The following ICAM2 variants were observed in gnomAD, a reference collection of about 807,000 sequenced individuals.
ICAM2 encodes intercellular adhesion molecule 2, also known as ICAM-2.
In ICAM2, 14 loss-of-function variants were observed where a neutral mutation model predicts 19.1. That is an observed-to-expected ratio of 0.73 (90% confidence interval 0.48 to 1.15). ICAM2 has a LOEUF of 1.15. Among genes scored for constraint, ICAM2 ranks in the 50% most tolerant of loss-of-function variants. ICAM2 has a pLI of 0.00. For missense variants in ICAM2, 311 were observed against 355.4 expected (o/e 0.88, Z 1.00); for synonymous variants, 153 against 152.7 (o/e 1.00, Z -0.01).
intron 1 of ICAM2, among the ~76,000 whole-genome samples, chr17:64,018,333 CAAAAAA>C (rs376250303): frequency 3.8e-5 from 2 of 52,736 alleles, no homozygotes; most frequent in African/African-American, 9.6e-5. Context: ...GACTCTATCT[CAAAAAA>C]AAAAAAAAAA....
intron 1 of ICAM2, 36 bp from the exon 2 acceptor site, chr17:64,006,771 GC>G: frequency 7.8e-7 from 1 of 1,288,396 alleles, no homozygotes; most frequent in Non-Finnish European, 1.1e-6. Context: ...CTGAGCTATG[GC>G]CCAGAATCCC....
At chr17:64,015,570 T>C (rs890373055) in intron 1 of ICAM2, among the ~76,000 whole-genome samples, 1 of 151,886 alleles carries the variant, frequency 6.6e-6, no homozygotes, top group Non-Finnish European at 1.5e-5. Flanking sequence ...CAAAACCCCA[T>C]CTCTACAAAA....
intron 1 of ICAM2, among the ~76,000 whole-genome samples, chr17:64,009,893 G>A (rs183520152): frequency 5.1e-4 from 77 of 152,246 alleles, no homozygotes; most frequent in African/African-American, 1.7e-3. Flanking sequence ...TGGTCTGAAG[G>A]ACCCCACTGA....
rs766564053 is a variant in ICAM2, at chr17:64,005,167, G to A, written c.268C>T (p.Gln90Ter). 6.2e-7 allele frequency: 1 copy of A among 1,614,034 alleles called. No individual in the cohort carries two copies. Among genetic ancestry groups the A allele is most frequent in the Admixed American group, 1.7e-5 (1 of 59,998 alleles). ...VSNISHDTVL[Q>*]CHFTCSGKQE... ...TTCCCGGAGCAGGTGAAGTGGCATTGGAGGACCGTGTCATGGGAGATGTTT... is the reference window on the plus strand; with the variant it reads ...TTCCCGGAGCAGGTGAAGTGGCATTAGAGGACCGTGTCATGGGAGATGTTT... Residue 90 changes from glutamine to a stop codon, truncating the protein, a stop_gained, in exon 3 of 5, where the codon CAA becomes TAA. Coordinates refer to ENST00000579788, the MANE Select transcript of ICAM2 (RefSeq NM_001099789.2). LOFTEE classifies it high-confidence loss of function.
chr17:64,019,407 A>AAATG (rs1256185277), intron 1 of ICAM2, among the ~76,000 whole-genome samples: 1 of 151,290 alleles, frequency 6.6e-6, no homozygotes, highest in Non-Finnish European at 1.5e-5. Context: ...GTAAATAAAT[A>AAATG]AATAAATAAA....
intron 1 of ICAM2, among the ~76,000 whole-genome samples, chr17:64,017,539 G>T (rs183130604): frequency 8.1e-4 from 123 of 151,988 alleles, no homozygotes; most frequent in Non-Finnish European, 1.6e-3. Flanking sequence ...TGATCTATAG[G>T]GTCAGTGCAA....
intron 2 of ICAM2, 159 bp downstream of exon 2, chr17:64,006,472 G>T: frequency 1.6e-6 from 1 of 638,000 alleles, no homozygotes; most frequent in Admixed American, 2.8e-5. Context: ...ACTCCAGCCT[G>T]GGTGATAGAC....
At chr17:64,004,870 T>C (rs1911095654) in intron 3 of ICAM2, 1 of 592,584 alleles carries the variant, frequency 1.7e-6, no homozygotes, top group East Asian at 2.8e-5. Flanking sequence ...GTTGGTTAGA[T>C]TGTCCTCCCC....
At chr17:64,006,507 A>C (rs1911215374) in intron 2 of ICAM2, 124 bp downstream of exon 2, 2 of 783,118 alleles carry the variant, frequency 2.6e-6, no homozygotes, top group Admixed American at 2.6e-5. Context: ...AAAACAAAAC[A>C]AAAAAACCTA....
intron 3 of ICAM2, 68 bp downstream of exon 3, chr17:64,005,039 C>G (rs1911108823): frequency 1.3e-6 from 2 of 1,565,262 alleles, no homozygotes; most frequent in Non-Finnish European, 1.8e-6. Flanking sequence ...CAGAGGGGCT[C>G]TGTGTGCATT....
intron 1 of ICAM2, among the ~76,000 whole-genome samples, chr17:64,014,965 T>C (rs1911664678): frequency 6.6e-6 from 1 of 151,998 alleles, no homozygotes; most frequent in Non-Finnish European, 1.5e-5. Context: ...CTCAATAGGA[T>C]AGGCAAGTCT....
intron 1 of ICAM2, among the ~76,000 whole-genome samples, chr17:64,017,090 G>C (rs1911744526): frequency 1.3e-5 from 2 of 152,098 alleles, no homozygotes; most frequent in South Asian, 4.1e-4. Context: ...TATGATTTCT[G>C]CCTCTGTTTA....
intron 1 of ICAM2, among the ~76,000 whole-genome samples, chr17:64,010,615 TAAAC>T (rs1911413155): frequency 6.6e-6 from 1 of 150,424 alleles, no homozygotes; most frequent in Non-Finnish European, 1.5e-5. Context: ...CAAAAACAGA[TAAAC>T]AAAAAGTTTA....
At chr17:64,004,086 C>T (rs1020953595) in intron 3 of ICAM2, 122 bp from the exon 4 acceptor site, 126 of 717,716 alleles carry the variant, frequency 1.8e-4, no homozygotes, top group African/African-American at 1.7e-3. Context: ...GTGGCCTGGC[C>T]GGCTCCAGTG....
chr17:64,020,429 A>T (rs547579831), intron 1 of ICAM2, 94 bp downstream of exon 1: 1 of 152,474 alleles, frequency 6.6e-6, no homozygotes, highest in South Asian at 2.1e-4. Flanking sequence ...AGACCCAGAG[A>T]GGGGAACGGA....
intron 1 of ICAM2, among the ~76,000 whole-genome samples, chr17:64,014,714 GAAGGAAGGAAGAAAGA>G (rs1187674766): frequency 6.7e-3 from 117 of 17,548 alleles, no homozygotes; most frequent in South Asian, 0.018. Context: ...AGGAAGGAAG[GAAGGAAGGAAGAAAGA>G]AAGAAAGAAA....
chr17:64,011,377 G>T (rs1377267382), intron 1 of ICAM2, among the ~76,000 whole-genome samples: 1 of 151,906 alleles, frequency 6.6e-6, no homozygotes, highest in African/African-American at 2.4e-5. Context: ...CAGGAGAATT[G>T]CTTGAACCTG....
chr17:64,006,982 C>T (rs774563686), intron 1 of ICAM2: 69 of 466,594 alleles, frequency 1.5e-4, no homozygotes, highest in Non-Finnish European at 2.3e-4. Flanking sequence ...AATGGGTGCA[C>T]GCATGCGTGT....
At chr17:64,006,848 G>A (rs1911237193) in intron 1 of ICAM2, 113 bp from the exon 2 acceptor site, 1 of 663,320 alleles carries the variant, frequency 1.5e-6, no homozygotes, top group Non-Finnish European at 2.6e-6. Flanking sequence ...GAAGCCACGT[G>A]CACCAGCTCG....
Sources: gnomAD v4.1 joint callset for allele counts (sites outside exome capture counted in the v4.1 genomes callset) on GRCh38, gnomAD v4.1.1 for gene constraint, MANE v1.5 for transcripts, NCBI Gene and HGNC (gene_info 2026-07-23, HGNC 2026-07-21) for gene names.